PM20D2: variants seen among roughly 807,000 people sequenced by gnomAD.
PM20D2 encodes xaa-Arg dipeptidase.
PM20D2 carries 33 observed loss-of-function variants against 42.9 expected under a neutral mutation model. That is an observed-to-expected ratio of 0.77 (90% confidence interval 0.58 to 1.03). PM20D2 has a LOEUF of 1.03. PM20D2 is among the 50% of genes least tolerant of loss of function. PM20D2 has a pLI of 0.00. For synonymous variants in PM20D2, 250 were observed against 228.2 expected, an observed-to-expected ratio of 1.10 and a Z score of -0.86; for missense variants, 548 against 557.0, an observed-to-expected ratio of 0.98 and a Z score of 0.16.
the PM20D2 span, among the ~76,000 whole-genome samples, chr6:89,136,552 C>T: frequency 2.7e-5 from 4 of 150,502 alleles, 1 homozygote; most frequent in African/African-American, 1.0e-4. Context: ...GTGGTGGGCG[C>T]CTGTAGTCCC....
chr6:89,155,103 C>T (rs144343201), intron 4 of PM20D2, among the ~76,000 whole-genome samples: 7 of 152,128 alleles, frequency 4.6e-5, no homozygotes, highest in Non-Finnish European at 1.0e-4. Flanking sequence ...GATGACAGGT[C>T]ATCTTACTTA....
the PM20D2 span, among the ~76,000 whole-genome samples, chr6:89,111,118 T>G: frequency 1.3e-5 from 2 of 151,768 alleles, no homozygotes. Context: ...TCTTTTTTTT[T>G]TTTTTTTGGA....
chr6:89,158,682 T>G (rs922439978), intron 5 of PM20D2, among the ~76,000 whole-genome samples: 3 of 152,192 alleles, frequency 2.0e-5, no homozygotes, highest in Non-Finnish European at 4.4e-5. Flanking sequence ...ACCTACATTT[T>G]TGTCTGTATT....
the PM20D2 span, among the ~76,000 whole-genome samples, chr6:89,130,024 C>G: frequency 3.4e-3 from 518 of 151,348 alleles, 9 homozygotes; most frequent in Non-Finnish European, 1.5e-3. Context: ...CCGTGAGCCA[C>G]TGTGCCTGGC....
chr6:89,107,221 G>A, the PM20D2 span: 1 of 1,613,930 alleles, frequency 6.2e-7, no homozygotes, highest in Non-Finnish European at 8.5e-7. Flanking sequence ...TCTACTATAG[G>A]GCCATATCGA....
intron 2 of PM20D2, among the ~76,000 whole-genome samples, chr6:89,151,485 C>T (rs1770838665): frequency 6.6e-6 from 1 of 152,104 alleles, no homozygotes; most frequent in African/African-American, 2.4e-5. Context: ...GCCTTGGCCT[C>T]CCAAAGGGCT....
intron 5 of PM20D2, among the ~76,000 whole-genome samples, chr6:89,158,755 G>T (rs930267548): frequency 1.3e-5 from 2 of 152,142 alleles, no homozygotes; most frequent in African/African-American, 4.8e-5. Flanking sequence ...GCTAAGGTGG[G>T]ATATAGAATT....
chr6:89,142,518 A>G (rs898415779), upstream of PM20D2, among the ~76,000 whole-genome samples: 3 of 152,220 alleles, frequency 2.0e-5, no homozygotes, highest in African/African-American at 7.2e-5. Flanking sequence ...GAAACGATGT[A>G]GGCTGGATTC....
the PM20D2 span, among the ~76,000 whole-genome samples, chr6:89,113,262 C>T: frequency 2.0e-5 from 3 of 152,222 alleles, no homozygotes; most frequent in Non-Finnish European, 4.4e-5. Flanking sequence ...CAACCTCTGC[C>T]TCCCAGGTTC....
Position 89,146,313 on chromosome 6 carries a change from C to T in PM20D2, c.169C>T (p.His57Tyr), listed in dbSNP as rs749144123. The stretch of plus-strand genomic sequence containing the variant: ...GCCCGAGCTGGCCTACGAGGAGCAC[C>T]ATGCCCACCGCGTGCTGACGCACTT... Reference protein sequence around the residue: ...SQPELAYEEHHAHRVLTHFFE... With the variant: ...SQPELAYEEHYAHRVLTHFFE... Residue 57 changes from histidine to tyrosine, a missense_variant, in exon 1 of 7, where the codon CAT becomes TAT. Physicochemically the swap from His to Tyr is moderately conservative, Grantham distance 83. Around this residue, in one of 3 missense-constraint regions of PM20D2, gnomAD observed 470 missense variants for 464.4 expected, o/e 1.01. Transcript: ENST00000275072. The T allele has an allele frequency of 4.4e-6, 7 of 1,579,998 alleles. No homozygotes were observed. Among genetic ancestry groups the T allele is most frequent in the African/African-American group, 2.7e-5 (2 of 73,946 alleles).
chr6:89,147,667 A>G (rs1180003564), intron 1 of PM20D2, among the ~76,000 whole-genome samples: 5 of 151,594 alleles, frequency 3.3e-5, no homozygotes, highest in Non-Finnish European at 5.9e-5. Flanking sequence ...AGATCAGTTG[A>G]GGTCTGGAGT....
upstream of PM20D2, chr6:89,145,980 G>A (rs1770518118): frequency 1.9e-6 from 1 of 516,848 alleles, no homozygotes; most frequent in Non-Finnish European, 3.0e-6. Context: ...TTTCCCGCGC[G>A]GCGCCGGGGG....
At chr6:89,095,097 A>G in the PM20D2 span, among the ~76,000 whole-genome samples, 1 of 152,170 alleles carries the variant, frequency 6.6e-6, no homozygotes, top group Admixed American at 6.6e-5. Flanking sequence ...TGGGTCTATT[A>G]TGCCACGTGA....
chr6:89,105,569 A>G, the PM20D2 span: 1 of 1,387,848 alleles, frequency 7.2e-7, no homozygotes, highest in Non-Finnish European at 9.8e-7. Flanking sequence ...ATGAGATATC[A>G]AGTAAACATA....
the PM20D2 span, among the ~76,000 whole-genome samples, chr6:89,127,199 T>C: frequency 6.6e-6 from 1 of 152,202 alleles, no homozygotes. Flanking sequence ...AGAATTATAA[T>C]GTCATAATTT....
Position 89,146,116 on chromosome 6 carries a change from G to A in PM20D2, c.-29G>A. On this transcript the variant is annotated 5_prime_UTR_variant, in exon 1 of 7. Transcript: ENST00000275072. ...CCTGCGGCCGAGCCAGGGAGCGAGAGGGCGCAGAGGGCAGCGGGCTTGGGC... is the reference window on the plus strand; with the variant it reads ...CCTGCGGCCGAGCCAGGGAGCGAGAAGGCGCAGAGGGCAGCGGGCTTGGGC... The A allele has an allele frequency of 7.1e-7, 1 of 1,403,274 alleles. No individual in the cohort carries two copies. 86.9% of individuals were successfully genotyped at this position (1,403,274 alleles called of 1,614,324 possible).
the PM20D2 span, among the ~76,000 whole-genome samples, chr6:89,111,854 G>A: frequency 1.3e-5 from 2 of 151,868 alleles, no homozygotes; most frequent in Non-Finnish European, 2.9e-5. Flanking sequence ...TTGGAGACAG[G>A]GTCTCAGGTC....
chr6:89,101,502 A>T, the PM20D2 span, among the ~76,000 whole-genome samples: 1 of 152,102 alleles, frequency 6.6e-6, no homozygotes, highest in Non-Finnish European at 1.5e-5. Flanking sequence ...CAGGTGGATC[A>T]CCTGAGGTCA....
the PM20D2 span, among the ~76,000 whole-genome samples, chr6:89,099,302 AAAAAT>A: frequency 6.6e-6 from 1 of 151,688 alleles, no homozygotes; most frequent in Admixed American, 6.6e-5. Context: ...TAATGCTTAT[AAAAAT>A]AAAAATCTAG....
Sources: gnomAD v4.1 joint callset for allele counts (sites outside exome capture counted in the v4.1 genomes callset) on GRCh38, gnomAD v4.1.1 for gene constraint, gnomAD v4.1.1 regional missense constraint, MANE v1.5 for transcripts, NCBI Gene and HGNC (gene_info 2026-07-23, HGNC 2026-07-21) for gene names.